Variants in MTMR8 observed in about 807,000 individuals in gnomAD.
MTMR8 encodes myotubularin related protein 8, also known as phosphatidylinositol-3,5-bisphosphate 3-phosphatase MTMR8.
Under a neutral mutation model 39.3 loss-of-function variants are expected in MTMR8, and 65 were observed. That is an observed-to-expected ratio of 1.65 (90% CI 1.35 to 2.03). The LOEUF (loss-of-function observed/expected upper bound fraction) is 2.03, where lower values mean the gene tolerates loss of function less well. Among genes scored for constraint, MTMR8 ranks in the 30% most tolerant of loss-of-function variants. The pLI, the probability that MTMR8 is intolerant of heterozygous loss-of-function variation, is 0.00. For missense variants in MTMR8, 777 were observed against 538.9 expected (o/e 1.44, Z -4.37); for synonymous variants, 245 against 185.2 (o/e 1.32, Z -2.62).
intron 4 of MTMR8, among the ~76,000 whole-genome samples, chrX:64,350,622 A>C (rs1479530323): frequency 3.6e-5 from 4 of 111,316 alleles, no homozygotes; most frequent in African/African-American, 6.5e-5. Flanking sequence ...GTGATTGCTA[A>C]TTCCAGCCTG....
Position 64,350,065 on chromosome X carries a change from GCATATCTAA to G in MTMR8, c.469-4_473del, listed in dbSNP as rs1923448179. The G allele has an allele frequency of 9.0e-7, 1 of 1,115,890 alleles. No individual in the cohort carries two copies. Among genetic ancestry groups the G allele is most frequent in the Non-Finnish European group, 1.2e-6 (1 of 839,382 alleles). The allele number at this position is 1,115,890 out of a possible 1,213,427, so 92.0% of individuals were successfully genotyped here. A position where few individuals can be genotyped will look rare whatever the true frequency, so the allele number is the denominator to read the frequency against. On this transcript the variant is annotated splice_acceptor_variant and splice_polypyrimidine_tract_variant and coding_sequence_variant and intron_variant, in exon 5 of 14. Transcript: ENST00000374852. LOFTEE classifies it high-confidence loss of function. Reference sequence around the variant, plus strand: ...CCACTATTTCAGGAGGGTAGGTGCTGCATATCTAAAAGAAAATAAGCACAATATATATAA... The same window carrying G: ...CCACTATTTCAGGAGGGTAGGTGCTGAAGAAAATAAGCACAATATATATAA...
chrX:64,350,406 C>T (rs375905492), intron 4 of MTMR8, among the ~76,000 whole-genome samples: 3 of 111,270 alleles, frequency 2.7e-5, no homozygotes, highest in Non-Finnish European at 3.8e-5. Context: ...GATATGCACA[C>T]GTAGGAATTT....
At chrX:64,276,160 A>C (rs972310049) in intron 12 of MTMR8, among the ~76,000 whole-genome samples, 2 of 109,698 alleles carry the variant, frequency 1.8e-5, no homozygotes, top group Admixed American at 9.7e-5. Flanking sequence ...AATTTTTTTG[A>C]AGGGTTTTTC....
intron 12 of MTMR8, among the ~76,000 whole-genome samples, chrX:64,327,612 A>G (rs1195289048): frequency 8.9e-6 from 1 of 112,522 alleles, no homozygotes; most frequent in East Asian, 2.8e-4. Flanking sequence ...TATGAAAAAC[A>G]GTATGGACTT....
At chrX:64,341,103 G>A (rs1259455315) in intron 8 of MTMR8, among the ~76,000 whole-genome samples, 1 of 112,506 alleles carries the variant, frequency 8.9e-6, no homozygotes, top group Non-Finnish European at 1.9e-5. Context: ...ATATAACATA[G>A]TTGCTGAAAA....
chrX:64,289,496 G>A (rs1474937217), intron 12 of MTMR8, among the ~76,000 whole-genome samples: 1 of 108,867 alleles, frequency 9.2e-6, no homozygotes, highest in East Asian at 2.9e-4. Flanking sequence ...AATTAGCTGG[G>A]CGTGGTGGCA....
chrX:64,378,671 C>T (rs1258092205), intron 1 of MTMR8, among the ~76,000 whole-genome samples: 3 of 112,252 alleles, frequency 2.7e-5, no homozygotes, highest in Non-Finnish European at 5.6e-5. Flanking sequence ...ACATCTATAG[C>T]ATTGAATGCA....
At chrX:64,385,390 C>A in intron 1 of MTMR8, among the ~76,000 whole-genome samples, 1 of 112,041 alleles carries the variant, frequency 8.9e-6, no homozygotes, top group South Asian at 3.8e-4. Context: ...AACCTCTGCC[C>A]ATGACCCAGT....
At chrX:64,277,334 T>C (rs755081861) in intron 12 of MTMR8, among the ~76,000 whole-genome samples, 1 of 112,269 alleles carries the variant, frequency 8.9e-6, no homozygotes, top group East Asian at 2.8e-4. Flanking sequence ...GATTTCTTCA[T>C]AGTGCTGATG....
chrX:64,301,020 C>T (rs1258983179), intron 12 of MTMR8, among the ~76,000 whole-genome samples: 2 of 104,409 alleles, frequency 1.9e-5, no homozygotes, highest in Admixed American at 2.1e-4. Context: ...TTTTTTCCTT[C>T]ATTTCAACTT....
intron 12 of MTMR8, among the ~76,000 whole-genome samples, chrX:64,276,284 G>T (rs904378179): frequency 9.0e-6 from 1 of 110,505 alleles, no homozygotes; most frequent in Non-Finnish European, 1.9e-5. Flanking sequence ...TCTAGTTCCA[G>T]ATCTAGATTC....
At chrX:64,361,361 A>G (rs1323767544) in intron 1 of MTMR8, among the ~76,000 whole-genome samples, 1 of 111,806 alleles carries the variant, frequency 8.9e-6, no homozygotes, top group African/African-American at 3.2e-5. Context: ...TTTAATCTTG[A>G]TTCTAAAATC....
At chrX:64,270,339 T>A (rs16990310) in intron 13 of MTMR8, among the ~76,000 whole-genome samples, 12,426 of 111,871 alleles carry the variant, frequency 0.11, 1,633 homozygotes, top group African/African-American at 0.37. Flanking sequence ...AGTTCCTAAA[T>A]AGCACACCAT....
intron 6 of MTMR8, among the ~76,000 whole-genome samples, chrX:64,348,337 C>T (rs1049834054): frequency 1.8e-5 from 2 of 110,224 alleles, no homozygotes; most frequent in African/African-American, 6.6e-5. Flanking sequence ...AAATCTAGAC[C>T]ACAGAATGGG....
intron 1 of MTMR8, among the ~76,000 whole-genome samples, chrX:64,374,911 G>A (rs1453384538): frequency 2.7e-5 from 3 of 109,341 alleles, no homozygotes; most frequent in East Asian, 5.8e-4. Flanking sequence ...AATGCTGACA[G>A]CTACCAGAAA....
chrX:64,314,549 C>T (rs753293645), intron 12 of MTMR8, among the ~76,000 whole-genome samples: 32 of 112,938 alleles, frequency 2.8e-4, no homozygotes, highest in African/African-American at 7.7e-4. Flanking sequence ...CTTGCAGGGG[C>T]GGAACTGCCT....
intron 4 of MTMR8, among the ~76,000 whole-genome samples, chrX:64,354,251 A>G (rs1923562974): frequency 9.1e-6 from 1 of 109,651 alleles, no homozygotes; most frequent in Non-Finnish European, 1.9e-5. Flanking sequence ...AAGATCTAGT[A>G]TTCAGTAGCA....
chrX:64,310,729 C>A (rs1922270710), intron 12 of MTMR8, among the ~76,000 whole-genome samples: 2 of 110,552 alleles, frequency 1.8e-5, no homozygotes, highest in Admixed American at 1.9e-4. Flanking sequence ...CAATTCCCAC[C>A]TATGAGTGAC....
Position 64,359,469 on chromosome X carries a change from A to C in MTMR8, c.83T>G (p.Leu28Arg). 1 of 1,209,240 alleles carries C rather than the reference A, an allele frequency of 8.3e-7. No homozygotes were observed. The highest frequency in any genetic ancestry group is 1.1e-6 in the Non-Finnish European group (1 of 893,788). The change falls in exon 2 of 14, where the codon CTT becomes CGT. Residue 28 changes from leucine to arginine, a missense_variant. Leu to Arg is a moderately radical substitution (Grantham distance 102). Transcript: ENST00000374852. ...GATCAGGTGGGTTGCAGTAAGATAA[A>C]GAATCCCATTAGCTGGTTTCTTACT... ...YVSKKPANGILYLTATHLIYV... is the reference protein window; with the variant it reads ...YVSKKPANGIRYLTATHLIYV...
Sources: gnomAD v4.1 joint callset for allele counts (sites outside exome capture counted in the v4.1 genomes callset) on GRCh38, gnomAD v4.1.1 for gene constraint, MANE v1.5 for transcripts, NCBI Gene and HGNC (gene_info 2026-07-23, HGNC 2026-07-21) for gene names.